Variants in TMPRSS9 observed in about 807,000 individuals in gnomAD.
TMPRSS9 encodes the protein transmembrane protease serine 9.
Under a neutral mutation model 111.4 loss-of-function variants are expected in TMPRSS9, and 113 were observed. That is an observed-to-expected ratio of 1.01 (90% CI 0.87 to 1.19). The LOEUF (loss-of-function observed/expected upper bound fraction) is 1.19, where lower values mean the gene tolerates loss of function less well. Among genes scored for constraint, TMPRSS9 ranks in the 50% most tolerant of loss-of-function variants. The probability of loss-of-function intolerance (pLI) is 0.00; values close to 1 mark genes in which losing one functional copy is unlikely to be tolerated. For missense variants in TMPRSS9, 1,803 were observed against 1,513.1 expected (o/e 1.19, Z -3.18); for synonymous variants, 805 against 659.1 (o/e 1.22, Z -3.39).
chr19:2,415,930 A>T lies in TMPRSS9; in HGVS notation c.1745+89A>T. ...GAAACCATCCTGCTGGGGCTGCTGC[A>T]TGGACCCCACTGGGGAGCAGCCCTT... On this transcript the variant is annotated intron_variant, in intron 11 of 17. Transcript: ENST00000648592. The T allele has an allele frequency of 3.5e-6, 5 of 1,434,952 alleles. No individual in the cohort carries two copies. The South Asian group carries it at 5.7e-5, about 16-fold the overall frequency. The allele number at this position is 1,434,952 out of a possible 1,614,324, so 88.9% of individuals were successfully genotyped here. A position where few individuals can be genotyped will look rare whatever the true frequency, so the allele number is the denominator to read the frequency against.
chr19:2,424,428 C>G (rs1229036096), intron 15 of TMPRSS9, among the ~76,000 whole-genome samples, 171 bp downstream of exon 16: 2 of 149,750 alleles, frequency 1.3e-5, no homozygotes, highest in Non-Finnish European at 1.5e-5. Flanking sequence ...CATCCTCGCT[C>G]CCTGCAGCCC....
chr19:2,402,992 T>C, intron 5 of TMPRSS9, 90 bp from the exon 7 acceptor site: 4 of 893,240 alleles, frequency 4.5e-6, no homozygotes, highest in East Asian at 2.6e-5. Flanking sequence ...CACATTTCCG[T>C]ACCCTGGTGG....
At chr19:2,416,604 G>A (rs749810186) in exon 12 of TMPRSS9, 16 of 1,612,406 alleles carry the variant, frequency 9.9e-6, no homozygotes, top group African/African-American at 6.7e-5. Flanking sequence ...GCGGGAGCCC[G>A]GTGAAGATCG....
intron 1 of TMPRSS9, among the ~76,000 whole-genome samples, chr19:2,392,174 C>A (rs1352194533): frequency 6.6e-6 from 1 of 151,650 alleles, no homozygotes; most frequent in Non-Finnish European, 1.5e-5. Context: ...CATAGCAAGA[C>A]CCCATCTCTA....
chr19:2,407,770 G>A (rs1394642031), intron 7 of TMPRSS9, among the ~76,000 whole-genome samples: 5 of 147,736 alleles, frequency 3.4e-5, no homozygotes, highest in African/African-American at 7.5e-5. Context: ...GGTGCACATC[G>A]CCACACCCCG....
intron 1 of TMPRSS9, among the ~76,000 whole-genome samples, chr19:2,371,924 A>G (rs1377730074): frequency 6.6e-6 from 1 of 152,162 alleles, no homozygotes; most frequent in Non-Finnish European, 1.5e-5. Flanking sequence ...CACAGGCTCA[A>G]TTTGGAGACA....
At chr19:2,395,818 T>A (rs552912500) in intron 1 of TMPRSS9, among the ~76,000 whole-genome samples, 4 of 152,124 alleles carry the variant, frequency 2.6e-5, no homozygotes, top group East Asian at 1.9e-4. Flanking sequence ...CCATCCTGGC[T>A]AACACAGTGA....
At chr19:2,400,503 C>T (rs1029395489) in intron 4 of TMPRSS9, among the ~76,000 whole-genome samples, 3 of 151,780 alleles carry the variant, frequency 2.0e-5, no homozygotes, top group Non-Finnish European at 4.4e-5. Flanking sequence ...GGTTGCACTA[C>T]TGCACTCCAG....
At chr19:2,386,944 G>A (rs796549453), upstream of TMPRSS9, among the ~76,000 whole-genome samples, 3 of 152,092 alleles carry the variant, frequency 2.0e-5, no homozygotes, top group African/African-American at 4.8e-5. Flanking sequence ...GTGAGATCAC[G>A]CCACTGCACA....
chr19:2,385,189 G>T (rs1467822123), upstream of TMPRSS9, among the ~76,000 whole-genome samples: 2 of 111,420 alleles, frequency 1.8e-5, no homozygotes, highest in Admixed American at 9.1e-5. Flanking sequence ...CGGGGCTCGC[G>T]GGGGCGGGGC....
In TMPRSS9 at chr19:2,403,189, C is replaced by T. The variant is rs758572916; in HGVS notation, c.664C>T (p.His222Tyr). ...CTGCTCCGATGGGTCCGACGAGGCG[C>T]ACTGCGGTCAGTCTGCCTGTCTGGC... Residue 222 changes from histidine (H) to tyrosine (Y), a missense_variant, in exon 6 of 18, where the codon CAC becomes TAC. By Grantham distance (83) the His-to-Tyr change is moderately conservative (BLOSUM62 2). Transcript: ENST00000648592. The T allele has an allele frequency of 2.5e-6, 4 of 1,605,348 alleles. No homozygotes were observed. In the East Asian group the frequency reaches 9.0e-5, roughly 36 times the overall value.
At position 2,425,508 on chromosome 19, in the gene TMPRSS9, G is replaced by A. The variant is rs376891421; in HGVS notation, c.3120+15G>A. On this transcript the variant is annotated intron_variant, in intron 17 of 17. Coordinates refer to ENST00000648592, the Ensembl canonical transcript of TMPRSS9. ...ACAGCTGCTCGGTGAGCCCCGCCCCGGCCCAGGGGACCAGGTCCCGCCCAG... is the reference window on the plus strand; with the variant it reads ...ACAGCTGCTCGGTGAGCCCCGCCCCAGCCCAGGGGACCAGGTCCCGCCCAG... 7 of 1,556,106 alleles carry A rather than the reference G, an allele frequency of 4.5e-6. No homozygotes were observed. The highest frequency in any genetic ancestry group is 5.2e-6 in the Non-Finnish European group (6 of 1,158,976).
At chr19:2,374,653 G>A (rs1335260459) in intron 1 of TMPRSS9, among the ~76,000 whole-genome samples, 3 of 152,146 alleles carry the variant, frequency 2.0e-5, no homozygotes, top group Non-Finnish European at 2.9e-5. Flanking sequence ...CCTCTGCGTT[G>A]CTCTGGTTGT....
In TMPRSS9 at chr19:2,407,608, CTTTTTTTTTT is replaced by C. The variant is rs71178273; in HGVS notation, c.843-736_843-727del. Among the ~76,000 whole-genome samples, 838 of 98,358 alleles carry C rather than the reference CTTTTTTTTTT, an allele frequency of 8.5e-3. 10 individuals carry two copies. The highest frequency in any genetic ancestry group is 0.012 in the Non-Finnish European group (572 of 48,998). The allele number at this position is 98,358 out of a possible 152,430, so 64.5% of individuals were successfully genotyped here. A position where few individuals can be genotyped will look rare whatever the true frequency, so the allele number is the denominator to read the frequency against. ...ACCTGTGATTTTTTTCTTTTCTTTT[CTTTTTTTTTT>C]TTTTTTTTTTTGAGACAGGTTACCT... On this transcript the variant is annotated intron_variant, in intron 7 of 17. Coordinates refer to ENST00000648592, the Ensembl canonical transcript of TMPRSS9.
intron 1 of TMPRSS9, among the ~76,000 whole-genome samples, chr19:2,373,891 C>T (rs1036401900): frequency 1.3e-4 from 20 of 152,190 alleles, no homozygotes; most frequent in Admixed American, 7.2e-4. Context: ...ACACACCATG[C>T]TGATTTATTC....
rs149573487 is a variant in TMPRSS9, at chr19:2,414,078, C to T, written c.1573+60C>T. 3.3e-3 allele frequency: 4,774 copies of T among 1,434,546 alleles called. 17 individuals carry two copies. Among genetic ancestry groups the T allele is most frequent in the Non-Finnish European group, 4.2e-3 (4,497 of 1,077,924 alleles). 88.9% of individuals were successfully genotyped at this position (1,434,546 alleles called of 1,614,324 possible). On this transcript the variant is annotated intron_variant, in intron 10 of 17. Transcript: ENST00000648592. ...CGTGCCTATCTTGATTTAGGGAGAA[C>T]GGATATCGTCATAGTATCTTCATAA...
chr19:2,368,856 C>T (rs1487439927), intron 1 of TMPRSS9, among the ~76,000 whole-genome samples: 1 of 144,600 alleles, frequency 6.9e-6, no homozygotes, highest in Non-Finnish European at 1.5e-5. Context: ...GCAATCTCAG[C>T]TCACTGCAAC....
chr19:2,364,748 G>A (rs1336732543), intron 1 of TMPRSS9, among the ~76,000 whole-genome samples: 1 of 151,994 alleles, frequency 6.6e-6, no homozygotes, highest in African/African-American at 2.4e-5. Flanking sequence ...CACTTTGGGA[G>A]GCTGAGGCGG....
intron 1 of TMPRSS9, among the ~76,000 whole-genome samples, chr19:2,393,583 C>G (rs1203394277): frequency 2.0e-5 from 3 of 152,058 alleles, no homozygotes; most frequent in Admixed American, 2.0e-4. Context: ...ATGGGGAAAC[C>G]CTGTCTCTAC....
Sources: gnomAD v4.1 joint callset for allele counts (sites outside exome capture counted in the v4.1 genomes callset) on GRCh38, gnomAD v4.1.1 for gene constraint, MANE v1.5 for transcripts, NCBI Gene and HGNC (gene_info 2026-07-23, HGNC 2026-07-21) for gene names.